ASIC2: variants seen among roughly 807,000 people sequenced by gnomAD.
The protein encoded by ASIC2 is acid-sensing ion channel 2.
ASIC2 carries 25 observed loss-of-function variants against 57.3 expected under a neutral mutation model. The ratio of observed to expected loss-of-function variants is 0.44; its 90% CI spans 0.32 to 0.61. The LOEUF is 0.61. Ranked by LOEUF, ASIC2 falls within the 20% of genes least tolerant of loss-of-function variation. The pLI, the probability that ASIC2 is intolerant of heterozygous loss-of-function variation, is 0.06. For missense variants in ASIC2, 641 were observed against 738.1 expected (o/e 0.87, Z 1.52); for synonymous variants, 319 against 307.5 (o/e 1.04, Z -0.39).
intron 1 of ASIC2, among the ~76,000 whole-genome samples, chr17:33,495,353 G>C (rs781169209): frequency 6.6e-6 from 1 of 152,126 alleles, no homozygotes; most frequent in African/African-American, 2.4e-5. Context: ...GGCAGCATTC[G>C]TCCTGGTCCT....
intron 1 of ASIC2, among the ~76,000 whole-genome samples, chr17:33,414,248 G>A (rs970656967): frequency 6.6e-6 from 1 of 152,216 alleles, no homozygotes; most frequent in Non-Finnish European, 1.5e-5. Context: ...AGGGGAGAGT[G>A]GAAGAGGTTA....
chr17:33,084,036 T>C lies in ASIC2; in HGVS notation c.987+4827A>G, dbSNP rs539603479. ...CCCAGAGCTGGGGAGAGGGTTTATC[T>C]CACATCCTTGTCATAATTTACCTTA... On this transcript the variant is annotated intron_variant, in intron 3 of 9. Transcript: ENST00000225823. Among the ~76,000 whole-genome samples, 37 of 152,192 alleles carry C rather than the reference T, an allele frequency of 2.4e-4. No homozygotes were observed. In the South Asian group the frequency reaches 7.5e-3, roughly 31 times the overall value.
chr17:33,494,098 G>C (rs1913851862), intron 1 of ASIC2, among the ~76,000 whole-genome samples: 1 of 152,224 alleles, frequency 6.6e-6, no homozygotes, highest in South Asian at 2.1e-4. Flanking sequence ...AGCTGGGCCA[G>C]GACCTGCCCT....
At chr17:33,132,452 T>C in intron 1 of ASIC2, among the ~76,000 whole-genome samples, 1 of 151,672 alleles carries the variant, frequency 6.6e-6, no homozygotes, top group Non-Finnish European at 1.5e-5. Flanking sequence ...TCAAGCAGAG[T>C]GAGGTGGCTG....
At chr17:33,927,256 A>C (rs1915843283) in intron 1 of ASIC2, among the ~76,000 whole-genome samples, 1 of 152,064 alleles carries the variant, frequency 6.6e-6, no homozygotes, top group African/African-American at 2.4e-5. Flanking sequence ...TGAATATTGG[A>C]TTTTCAGATT....
chr17:33,454,486 T>C (rs553410620), intron 1 of ASIC2, among the ~76,000 whole-genome samples: 1 of 152,344 alleles, frequency 6.6e-6, no homozygotes, highest in East Asian at 1.9e-4. Flanking sequence ...AAATTCCCTT[T>C]CTGCTATGTG....
intron 1 of ASIC2, among the ~76,000 whole-genome samples, chr17:33,375,392 G>T (rs1342501973): frequency 6.6e-6 from 1 of 151,826 alleles, no homozygotes; most frequent in Non-Finnish European, 1.5e-5. Context: ...GGGGCAGAGA[G>T]CGAGGGGGAG....
At chr17:33,601,443 G>C (rs965250404) in intron 1 of ASIC2, among the ~76,000 whole-genome samples, 1 of 152,214 alleles carries the variant, frequency 6.6e-6, no homozygotes, top group Admixed American at 6.5e-5. Flanking sequence ...TGCCCCAGCT[G>C]TGGCTCAGGC....
chr17:33,145,786 G>A (rs1313922190), intron 1 of ASIC2, among the ~76,000 whole-genome samples: 1 of 152,048 alleles, frequency 6.6e-6, no homozygotes, highest in Admixed American at 6.6e-5. Context: ...TACTCCTTTC[G>A]CCCCATGACC....
At chr17:34,036,332 T>C (rs1449141935) in intron 1 of ASIC2, among the ~76,000 whole-genome samples, 1 of 126,242 alleles carries the variant, frequency 7.9e-6, no homozygotes, top group Admixed American at 1.0e-4. Flanking sequence ...TGAGAACACA[T>C]GGACACAGGA....
At chr17:33,510,265 T>C (rs1914391058) in intron 1 of ASIC2, among the ~76,000 whole-genome samples, 2 of 152,224 alleles carry the variant, frequency 1.3e-5, no homozygotes, top group Non-Finnish European at 2.9e-5. Context: ...GACAGATTCA[T>C]CTTTCTAATT....
chr17:33,130,089 G>T (rs1257231228), intron 1 of ASIC2, among the ~76,000 whole-genome samples: 1 of 152,128 alleles, frequency 6.6e-6, no homozygotes, highest in Non-Finnish European at 1.5e-5. Flanking sequence ...AAAACCCCGT[G>T]TCTCATCTGT....
chr17:33,715,964 C>T (rs887723429), intron 1 of ASIC2, among the ~76,000 whole-genome samples: 2 of 152,152 alleles, frequency 1.3e-5, no homozygotes, highest in South Asian at 2.1e-4. Flanking sequence ...ACAGCTTGAT[C>T]GCTTAATCCA....
At chr17:34,115,229 A>G (rs890976343) in intron 1 of ASIC2, among the ~76,000 whole-genome samples, 2 of 152,232 alleles carry the variant, frequency 1.3e-5, no homozygotes, top group East Asian at 1.9e-4. Context: ...CCTGTCAACA[A>G]TTAGAGCATG....
intron 1 of ASIC2, among the ~76,000 whole-genome samples, chr17:33,343,237 G>A (rs1244240556): frequency 6.6e-6 from 1 of 152,168 alleles, no homozygotes; most frequent in Non-Finnish European, 1.5e-5. Context: ...GGCTAGACCA[G>A]GCTGACCTAA....
chr17:33,456,785 A>G (rs1307648890), intron 1 of ASIC2, among the ~76,000 whole-genome samples: 4 of 152,352 alleles, frequency 2.6e-5, no homozygotes, highest in African/African-American at 9.6e-5. Context: ...AGATAGAGTC[A>G]GACAAACGTC....
At position 33,475,573 on chromosome 17, in the gene ASIC2, C is replaced by T. The variant is rs567411654; in HGVS notation, c.556-363506G>A. Among the ~76,000 whole-genome samples, 5 of 152,280 alleles carry T rather than the reference C, an allele frequency of 3.3e-5. No individual in the cohort carries two copies. In the South Asian group the frequency reaches 8.3e-4, roughly 25 times the overall value. On this transcript the variant is annotated intron_variant, in intron 1 of 9. Coordinates refer to the ASIC2 transcript ENST00000359872. Reference sequence around the variant, plus strand: ...TAGTCTTAGGACTTTTTATTGACTTCCTTCTAATGATGGGGGTTAAGTAAC... The same window carrying T: ...TAGTCTTAGGACTTTTTATTGACTTTCTTCTAATGATGGGGGTTAAGTAAC...
chr17:33,622,267 A>G (rs1273965348), intron 1 of ASIC2, among the ~76,000 whole-genome samples: 3 of 152,164 alleles, frequency 2.0e-5, no homozygotes, highest in Non-Finnish European at 4.4e-5. Context: ...TTAAGTTTGG[A>G]GTAGAATTCT....
chr17:33,683,184 C>T (rs866129860), intron 1 of ASIC2, among the ~76,000 whole-genome samples: 1 of 152,186 alleles, frequency 6.6e-6, no homozygotes. Flanking sequence ...TCTCTTGCCT[C>T]AGCCTCCTGT....
Sources: gnomAD v4.1 joint callset for allele counts (sites outside exome capture counted in the v4.1 genomes callset) on GRCh38, gnomAD v4.1.1 for gene constraint, MANE v1.5 for transcripts, NCBI Gene and HGNC (gene_info 2026-07-23, HGNC 2026-07-21) for gene names.